The following CDH22 variants were observed in gnomAD, a reference collection of about 807,000 sequenced individuals.
CDH22 encodes cadherin-22.
CDH22 carries 30 observed loss-of-function variants against 58.4 expected under a neutral mutation model. That is an observed-to-expected ratio of 0.51 (90% CI 0.38 to 0.70). CDH22 has a LOEUF of 0.70. Ranked by LOEUF, CDH22 falls within the 30% of genes least tolerant of loss-of-function variation. The pLI, the probability that CDH22 is intolerant of heterozygous loss-of-function variation, is 0.00. For synonymous variants in CDH22, 513 were observed against 558.2 expected, an observed-to-expected ratio of 0.92 and a Z score of 1.14; for missense variants, 1,014 against 1,233.9, an observed-to-expected ratio of 0.82 and a Z score of 2.67.
Position 46,216,001 on chromosome 20 carries a change from A to G in CDH22, c.838+825T>C, listed in dbSNP as rs963545434. Reference sequence around the variant, plus strand: ...TAGGCCACAATGATGCTGCGCTCTCAGCTAAGGGATTGGATTCCCTTATCT... The same window carrying G: ...TAGGCCACAATGATGCTGCGCTCTCGGCTAAGGGATTGGATTCCCTTATCT... On this transcript the variant is annotated intron_variant, in intron 5 of 11. Transcript: ENST00000537909. The surrounding 1 kb of genome is among the most constrained non-coding windows in gnomAD (Gnocchi z 5.3). Among the ~76,000 whole-genome samples, 2 of 151,876 alleles carry G rather than the reference A, an allele frequency of 1.3e-5. No individual in the cohort carries two copies. Among genetic ancestry groups the G allele is most frequent in the African/African-American group, 4.8e-5 (2 of 41,316 alleles).
intron 1 of CDH22, among the ~76,000 whole-genome samples, chr20:46,296,223 T>G (rs1201802120): frequency 1.3e-5 from 2 of 152,232 alleles, no homozygotes; most frequent in Non-Finnish European, 2.9e-5. Context: ...TCAGTGCTGG[T>G]TCTCACAGCC....
In CDH22 at chr20:46,174,572, C is replaced by T. The variant is rs748186611; in HGVS notation, c.2421G>A (p.Pro807=). Residue 807 remains proline (P), a synonymous_variant, in exon 12 of 12, where the codon CCG becomes CCA. Transcript: ENST00000537909. This position sits in a 1 kb window ranked among gnomAD's most constrained non-coding sequence, Gnocchi z 4.4. ...QDFAYLSSWG[P]RFRPLAALYA... ...AGAGCGCGGCCAGGGGCCGGAAGCG[C>T]GGACCCCAGCTGCTGAGATAGGCGA... The T allele has an allele frequency of 8.5e-6, 13 of 1,529,210 alleles. No homozygotes were observed. The African/African-American group carries it at 1.1e-4, about 13-fold the overall frequency. 94.7% of individuals were successfully genotyped at this position (1,529,210 alleles called of 1,614,324 possible).
intron 1 of CDH22, among the ~76,000 whole-genome samples, chr20:46,295,653 G>A (rs1279916185): frequency 6.6e-6 from 1 of 152,220 alleles, no homozygotes; most frequent in Non-Finnish European, 1.5e-5. Context: ...TCCAAGTCCA[G>A]CTTCCAGAAT....
chr20:46,265,761 A>G (rs2086456399), intron 1 of CDH22, among the ~76,000 whole-genome samples: 1 of 152,092 alleles, frequency 6.6e-6, no homozygotes, highest in Non-Finnish European at 1.5e-5. Flanking sequence ...ACCGTGACTT[A>G]GAAATCCATT....
At chr20:46,187,666 C>T (rs897525883) in intron 8 of CDH22, among the ~76,000 whole-genome samples, 6 of 152,040 alleles carry the variant, frequency 3.9e-5, no homozygotes, top group Non-Finnish European at 8.8e-5. Context: ...AATCACCAGC[C>T]CACCTATTAC....
chr20:46,190,128 G>A (rs1385597417), intron 8 of CDH22, among the ~76,000 whole-genome samples: 2 of 152,144 alleles, frequency 1.3e-5, no homozygotes, highest in Admixed American at 6.5e-5. Context: ...CACCTTAAAT[G>A]TTTCTGGGAT....
chr20:46,293,219 G>A (rs901263383), intron 1 of CDH22, among the ~76,000 whole-genome samples: 10 of 152,224 alleles, frequency 6.6e-5, no homozygotes, highest in African/African-American at 2.2e-4. Flanking sequence ...ATGGCCTGTT[G>A]CCTCAGCCAC....
intron 1 of CDH22, among the ~76,000 whole-genome samples, chr20:46,280,913 A>C (rs1043114866): frequency 2.0e-5 from 3 of 152,204 alleles, no homozygotes; most frequent in African/African-American, 7.2e-5. Context: ...ATGCTGTGTG[A>C]GCCACAGTGT....
chr20:46,279,098 G>A (rs571275458), intron 1 of CDH22, among the ~76,000 whole-genome samples: 13 of 152,260 alleles, frequency 8.5e-5, no homozygotes, highest in South Asian at 2.1e-4. Context: ...GGACCTCAGC[G>A]GTGTCTGCCG....
intron 8 of CDH22, 35 bp from the exon 9 acceptor site, chr20:46,186,982 T>G (rs2085831183): frequency 6.5e-7 from 1 of 1,535,622 alleles, no homozygotes; most frequent in African/African-American, 1.4e-5. Flanking sequence ...GGGAGAGGCA[T>G]CAAGTGGGAG....
chr20:46,211,336 G>A (rs2086042000), intron 6 of CDH22, among the ~76,000 whole-genome samples: 1 of 152,228 alleles, frequency 6.6e-6, no homozygotes, highest in South Asian at 2.1e-4. Context: ...GAGACTCACA[G>A]GCAGGTGCCT....
intron 5 of CDH22, among the ~76,000 whole-genome samples, chr20:46,214,947 A>G (rs1433434823): frequency 1.3e-5 from 2 of 152,262 alleles, no homozygotes; most frequent in Non-Finnish European, 2.9e-5. Flanking sequence ...CATAAATGAA[A>G]TGTGTGAGGG....
At chr20:46,211,941 G>A (rs1212165796) in intron 6 of CDH22, among the ~76,000 whole-genome samples, 1 of 152,052 alleles carries the variant, frequency 6.6e-6, no homozygotes, top group Non-Finnish European at 1.5e-5. Flanking sequence ...CATCTCAGAG[G>A]GTTGATGAAG....
rs559437928 is a variant in CDH22 at position 46,255,702 on chromosome 20, C to T, written c.-399-4009G>A. On this transcript the variant is annotated intron_variant, in intron 1 of 11. Coordinates refer to ENST00000537909, the MANE Select transcript of CDH22 (RefSeq NM_021248.3). ...CCTGCTAGGGCTGCCACAGACATGTCGGCCTCCTCCCTCCCTTCCTCCCTT... is the reference window on the plus strand; with the variant it reads ...CCTGCTAGGGCTGCCACAGACATGTTGGCCTCCTCCCTCCCTTCCTCCCTT... 3.0e-4 allele frequency among the ~76,000 whole-genome samples: 46 copies of T among 152,304 alleles called. No individual in the cohort carries two copies. The South Asian group carries it at 4.8e-3, about 16-fold the overall frequency.
At chr20:46,248,912 C>T (rs2086350504) in intron 2 of CDH22, among the ~76,000 whole-genome samples, 1 of 152,210 alleles carries the variant, frequency 6.6e-6, no homozygotes, top group Admixed American at 6.5e-5. Context: ...ATGACTTTGC[C>T]CTCTGTTACT....
chr20:46,195,614 A>ACCCCCCCCCC (rs113226361), intron 8 of CDH22, among the ~76,000 whole-genome samples: 4 of 105,790 alleles, frequency 3.8e-5, no homozygotes, highest in South Asian at 3.8e-4. Context: ...TCTCCCCTAG[A>ACCCCCCCCCC]CCCCCCCCCC....
At chr20:46,270,897 G>T (rs2086484591) in intron 1 of CDH22, among the ~76,000 whole-genome samples, 1 of 152,192 alleles carries the variant, frequency 6.6e-6, no homozygotes, top group Admixed American at 6.5e-5. Context: ...GTGACCTCAG[G>T]CAGGCCACCT....
In CDH22 at chr20:46,300,417, T is replaced by A. The variant is rs2086646060; in HGVS notation, c.-400+7838A>T. Among the ~76,000 whole-genome samples the A allele has an allele frequency of 6.6e-6, 1 of 152,156 alleles. No individual in the cohort carries two copies. Among genetic ancestry groups the A allele is most frequent in the African/African-American group, 2.4e-5 (1 of 41,434 alleles). On this transcript the variant is annotated intron_variant, in intron 1 of 11. Transcript: ENST00000537909. This position sits in a 1 kb window ranked among gnomAD's most constrained non-coding sequence, Gnocchi z 4.4. Reference sequence around the variant, plus strand: ...TGCTTCTGCTTCCCATCCATCAGCCTGCCCGGGCCCATCCACCTTATGTCC... The same window carrying A: ...TGCTTCTGCTTCCCATCCATCAGCCAGCCCGGGCCCATCCACCTTATGTCC...
intron 1 of CDH22, among the ~76,000 whole-genome samples, chr20:46,274,828 A>G (rs2086509371): frequency 5.6e-5 from 1 of 17,978 alleles, no homozygotes; most frequent in South Asian, 1.5e-3. Flanking sequence ...AGCCAGATGC[A>G]AAAAAAAAAA....
Sources: allele counts gnomAD v4.1 joint callset (sites outside exome capture counted in the v4.1 genomes callset), GRCh38; gene constraint gnomAD v4.1.1; non-coding constraint Gnocchi (gnomAD v3.1); transcripts MANE v1.5; gene names NCBI Gene and HGNC (gene_info 2026-07-23, HGNC 2026-07-21).